SCGN: variants seen among roughly 807,000 people sequenced by gnomAD.
The protein encoded by SCGN is secretagogin, EF-hand calcium binding protein, also known as secretagogin.
Under a neutral mutation model 39.7 loss-of-function variants are expected in SCGN, and 30 were observed. The ratio of observed to expected loss-of-function variants is 0.76; its 90% CI spans 0.57 to 1.03. SCGN has a LOEUF of 1.03. Among genes scored for constraint, SCGN ranks in the 50% least tolerant of loss-of-function variants. SCGN has a pLI of 0.00. For synonymous variants in SCGN, 106 were observed against 114.1 expected (o/e 0.93, Z 0.45); for missense variants, 353 against 349.4 (o/e 1.01, Z -0.08).
chr6:25,694,687 C>T lies in SCGN; in HGVS notation c.702+3563C>T, dbSNP rs997120581. Among the ~76,000 whole-genome samples, 6 of 152,184 alleles carry T rather than the reference C, an allele frequency of 3.9e-5. No individual in the cohort carries two copies. The East Asian group carries it at 7.7e-4, about 20-fold the overall frequency. On this transcript the variant is annotated intron_variant, in intron 10 of 10. Coordinates refer to ENST00000377961, the MANE Select transcript of SCGN (RefSeq NM_006998.4). ...GTAGTTCATTATTAATGTTCTCCTC[C>T]GAAAATTGAAGGTGCATACGTTTAC...
At chr6:25,686,784 T>C (rs1382705622) in intron 7 of SCGN, among the ~76,000 whole-genome samples, 4 of 152,188 alleles carry the variant, frequency 2.6e-5, no homozygotes, top group Non-Finnish European at 5.9e-5. Context: ...TCCAAGCTCA[T>C]GAAGATTTAC....
At chr6:25,682,974 G>A (rs1266513610) in intron 7 of SCGN, among the ~76,000 whole-genome samples, 3 of 152,166 alleles carry the variant, frequency 2.0e-5, no homozygotes, top group African/African-American at 4.8e-5. Context: ...GGGACTCACT[G>A]GGAAGAATAT....
At chr6:25,675,156 T>C (rs1455804321) in intron 6 of SCGN, among the ~76,000 whole-genome samples, 1 of 152,210 alleles carries the variant, frequency 6.6e-6, no homozygotes, top group Non-Finnish European at 1.5e-5. Flanking sequence ...CTGGAGACTT[T>C]CCCAGCACTC....
At chr6:25,682,404 G>C (rs1453910387) in intron 7 of SCGN, among the ~76,000 whole-genome samples, 1 of 149,504 alleles carries the variant, frequency 6.7e-6, no homozygotes, top group African/African-American at 2.6e-5. Flanking sequence ...GGTGCACTCT[G>C]TGTTCTTGAA....
At chr6:25,679,722 C>A (rs1360164446) in intron 6 of SCGN, among the ~76,000 whole-genome samples, 1 of 152,216 alleles carries the variant, frequency 6.6e-6, no homozygotes, top group African/African-American at 2.4e-5. Flanking sequence ...ACTCAACTAT[C>A]ATGAAGTTTA....
chr6:25,656,466 A>G lies in SCGN; in HGVS notation c.153+3014A>G, dbSNP rs141902068. ...CAGAGCCTCGGAGGGGATTGACTTA[A>G]TGGAACCATCAGCTGCAATTGCTGC... is the stretch of plus-strand genomic sequence containing the variant. On this transcript the variant is annotated intron_variant, in intron 2 of 10. Transcript: ENST00000377961. Among the ~76,000 whole-genome samples the G allele has an allele frequency of 9.8e-4, 149 of 152,316 alleles. 1 individual carries two copies. The highest frequency in any genetic ancestry group is 6.9e-3 in the Admixed American group (106 of 15,298).
intron 3 of SCGN, 65 bp from the exon 4 acceptor site, chr6:25,664,878 C>A: frequency 7.9e-7 from 1 of 1,259,544 alleles, no homozygotes; most frequent in Non-Finnish European, 1.2e-6. Context: ...TGCCTTTTAC[C>A]AGGGAGCACT....
At chr6:25,677,989 G>T (rs1310858832) in intron 6 of SCGN, among the ~76,000 whole-genome samples, 5 of 152,166 alleles carry the variant, frequency 3.3e-5, no homozygotes, top group Non-Finnish European at 7.4e-5. Context: ...ACAAAGATTT[G>T]AAAAACTAAA....
intron 7 of SCGN, 25 bp from the exon 8 acceptor site, chr6:25,689,147 T>C: frequency 6.9e-7 from 1 of 1,446,520 alleles, no homozygotes; most frequent in South Asian, 1.2e-5. Context: ...GATCCTTACG[T>C]GGATTTTTTT....
intron 4 of SCGN, among the ~76,000 whole-genome samples, chr6:25,668,770 C>T (rs1759435573): frequency 1.3e-5 from 2 of 152,118 alleles, no homozygotes; most frequent in Admixed American, 1.3e-4. Flanking sequence ...CCCATCATGT[C>T]GGGTCTCTTA....
chr6:25,680,434 T>C (rs1311926193), intron 6 of SCGN, among the ~76,000 whole-genome samples: 1 of 152,230 alleles, frequency 6.6e-6, no homozygotes. Context: ...TGATTCTTAT[T>C]CTTACGTGAG....
chr6:25,672,114 TA>T (rs887367808), intron 6 of SCGN, among the ~76,000 whole-genome samples: 1 of 152,084 alleles, frequency 6.6e-6, no homozygotes. Flanking sequence ...CAACTTGCCC[TA>T]AAAAAAATCT....
chr6:25,695,485 C>T (rs1241801993), intron 10 of SCGN, among the ~76,000 whole-genome samples: 1 of 152,084 alleles, frequency 6.6e-6, no homozygotes, highest in Non-Finnish European at 1.5e-5. Context: ...CCAAGTATAC[C>T]ATACAATATT....
At chr6:25,683,185 C>A (rs149847200) in intron 7 of SCGN, among the ~76,000 whole-genome samples, 10 of 152,156 alleles carry the variant, frequency 6.6e-5, no homozygotes, top group Non-Finnish European at 1.2e-4. Flanking sequence ...ATCAGGCCTG[C>A]GGCAGAAGGC....
chr6:25,693,831 AC>A (rs1302499500), intron 10 of SCGN, among the ~76,000 whole-genome samples: 6 of 151,938 alleles, frequency 3.9e-5, no homozygotes, highest in African/African-American at 1.5e-4. Context: ...TTCTAGGCTG[AC>A]CCCCTGGGGT....
At chr6:25,666,019 AT>A (rs1760418766) in intron 4 of SCGN, among the ~76,000 whole-genome samples, 1 of 60 alleles carries the variant, frequency 0.017, no homozygotes, top group Admixed American at 0.12. Context: ...ATCCACAGTT[AT>A]TTATTTATTT....
chr6:25,700,241 C>CTAAA (rs1759893618), intron 10 of SCGN, among the ~76,000 whole-genome samples: 1 of 100,870 alleles, frequency 9.9e-6, no homozygotes, highest in African/African-American at 4.0e-5. Flanking sequence ...GACTTCGTCT[C>CTAAA]AAAAAAAAAA....
chr6:25,688,397 A>G (rs1759731753), intron 7 of SCGN, among the ~76,000 whole-genome samples: 1 of 152,120 alleles, frequency 6.6e-6, no homozygotes, highest in African/African-American at 2.4e-5. Context: ...TTGGACAGAG[A>G]TTTTCTAAAA....
chr6:25,675,360 G>A (rs1759550055), intron 6 of SCGN, among the ~76,000 whole-genome samples: 1 of 152,220 alleles, frequency 6.6e-6, no homozygotes, highest in South Asian at 2.1e-4. Context: ...ATAAGCCCGT[G>A]CCCAGGCAAA....
Sources: gnomAD v4.1 joint callset for allele counts (sites outside exome capture counted in the v4.1 genomes callset) on GRCh38, gnomAD v4.1.1 for gene constraint, MANE v1.5 for transcripts, NCBI Gene and HGNC (gene_info 2026-07-23, HGNC 2026-07-21) for gene names.